GRID1: variants seen among roughly 807,000 people sequenced by gnomAD.
GRID1 encodes glutamate ionotropic receptor delta type subunit 1, also known as glutamate receptor ionotropic, delta-1.
Under a neutral mutation model 98.0 loss-of-function variants are expected in GRID1, and 28 were observed. The ratio of observed to expected loss-of-function variants is 0.29; its 90% CI spans 0.21 to 0.39. The LOEUF (loss-of-function observed/expected upper bound fraction) is 0.39, where lower values mean the gene tolerates loss of function less well. GRID1 is among the 10% of genes least tolerant of loss of function. The pLI is 1.00. For synonymous variants in GRID1, 553 were observed against 538.5 expected (o/e 1.03, Z -0.37); for missense variants, 1,111 against 1,340.5 (o/e 0.83, Z 2.67).
intron 4 of GRID1, among the ~76,000 whole-genome samples, chr10:85,923,009 C>T (rs1235057782): frequency 1.3e-5 from 2 of 152,114 alleles, no homozygotes; most frequent in Admixed American, 1.3e-4. Context: ...CCCTGAAGTT[C>T]TCTTCATCTC....
intron 5 of GRID1, among the ~76,000 whole-genome samples, chr10:85,882,779 AAT>A (rs1206206556): frequency 6.6e-6 from 1 of 151,372 alleles, no homozygotes; most frequent in African/African-American, 2.4e-5. Flanking sequence ...TAATAATAAT[AAT>A]ATTTTTTTAA....
At chr10:86,235,802 A>G (rs1346600266) in intron 2 of GRID1, among the ~76,000 whole-genome samples, 1 of 152,206 alleles carries the variant, frequency 6.6e-6, no homozygotes, top group Non-Finnish European at 1.5e-5. Context: ...GTTGATGGAC[A>G]TTTGTGTTGT....
At chr10:85,851,803 TG>T (rs1843060703) in intron 8 of GRID1, among the ~76,000 whole-genome samples, 1 of 152,170 alleles carries the variant, frequency 6.6e-6, no homozygotes, top group Non-Finnish European at 1.5e-5. Context: ...CCTTGGACTC[TG>T]ACCTTGGGCA....
chr10:85,944,386 T>A (rs925138002), intron 4 of GRID1, among the ~76,000 whole-genome samples: 2 of 152,090 alleles, frequency 1.3e-5, no homozygotes, highest in Non-Finnish European at 2.9e-5. Flanking sequence ...TTGACAAAAA[T>A]GAAGAAAAAT....
intron 14 of GRID1, 53 bp downstream of exon 14, chr10:85,619,814 C>T: frequency 1.4e-6 from 2 of 1,420,684 alleles, no homozygotes; most frequent in Non-Finnish European, 2.0e-6. Flanking sequence ...TTCTCCTACC[C>T]TTGACCACTA....
intron 3 of GRID1, among the ~76,000 whole-genome samples, chr10:86,141,246 C>A (rs1021063992): frequency 1.3e-5 from 2 of 152,188 alleles, no homozygotes; most frequent in African/African-American, 4.8e-5. Flanking sequence ...GCTGTCAACA[C>A]CCTTGGGGTT....
At chr10:86,099,114 TA>T (rs756488845) in intron 4 of GRID1, among the ~76,000 whole-genome samples, 3 of 152,226 alleles carry the variant, frequency 2.0e-5, no homozygotes, top group Non-Finnish European at 4.4e-5. Flanking sequence ...ACATAACCAC[TA>T]ACCACCAGTG....
In GRID1 at chr10:86,235,710, G is replaced by A. The variant is rs188092957; in HGVS notation, c.236-29062C>T. Among the ~76,000 whole-genome samples, 23 of 152,290 alleles carry A rather than the reference G, an allele frequency of 1.5e-4. No homozygotes were observed. In the East Asian group the frequency reaches 1.9e-3, roughly 13 times the overall value. On this transcript the variant is annotated intron_variant, in intron 2 of 15. Coordinates refer to ENST00000327946, the MANE Select transcript of GRID1 (RefSeq NM_017551.3). ...GTTTTGAGGTTCATCCATGTTAAGC[G>A]TGTATCAGTGTTTCATTCTTTTGTA...
At chr10:85,969,273 T>C (rs1842377379) in intron 4 of GRID1, among the ~76,000 whole-genome samples, 1 of 152,150 alleles carries the variant, frequency 6.6e-6, no homozygotes, top group African/African-American at 2.4e-5. Context: ...TCACTTTCCA[T>C]AATTGGTAGA....
chr10:86,006,257 TG>T (rs550251918), intron 4 of GRID1, among the ~76,000 whole-genome samples: 44 of 152,274 alleles, frequency 2.9e-4, no homozygotes, highest in African/African-American at 9.6e-4. Flanking sequence ...ATTATCCACT[TG>T]GGAAAAAAGG....
At chr10:85,876,069 A>C (rs547574488) in intron 5 of GRID1, among the ~76,000 whole-genome samples, 1 of 152,248 alleles carries the variant, frequency 6.6e-6, no homozygotes, top group Non-Finnish European at 1.5e-5. Flanking sequence ...TCTCTTAGAC[A>C]TGGAAAGTAA....
At chr10:86,172,143 A>T (rs538595012) in intron 3 of GRID1, among the ~76,000 whole-genome samples, 8 of 152,192 alleles carry the variant, frequency 5.3e-5, no homozygotes, top group African/African-American at 1.9e-4. Context: ...TACCATCAGC[A>T]ATTACTCTCT....
intron 2 of GRID1, among the ~76,000 whole-genome samples, chr10:86,229,115 C>T (rs1846406718): frequency 1.3e-5 from 2 of 152,124 alleles, no homozygotes; most frequent in South Asian, 4.1e-4. Flanking sequence ...TTTGGGCCTT[C>T]TACTTTGTGA....
chr10:85,659,807 T>C (rs1206244354), intron 12 of GRID1, among the ~76,000 whole-genome samples: 1 of 152,176 alleles, frequency 6.6e-6, no homozygotes, highest in South Asian at 2.1e-4. Context: ...TTACATGGGC[T>C]AGCGCATTTC....
chr10:86,058,401 A>T (rs1843603931), intron 4 of GRID1, among the ~76,000 whole-genome samples: 1 of 152,136 alleles, frequency 6.6e-6, no homozygotes, highest in Non-Finnish European at 1.5e-5. Flanking sequence ...TTAGCCCACA[A>T]CTTCAGCTTC....
chr10:86,150,756 T>C (rs570812088), intron 3 of GRID1, among the ~76,000 whole-genome samples: 14 of 152,324 alleles, frequency 9.2e-5, no homozygotes, highest in African/African-American at 3.4e-4. Context: ...AGAGACCTCC[T>C]GGTTGGAATT....
At chr10:85,908,031 A>G (rs746422404) in intron 5 of GRID1, among the ~76,000 whole-genome samples, 6 of 152,182 alleles carry the variant, frequency 3.9e-5, no homozygotes, top group African/African-American at 7.2e-5. Flanking sequence ...AACTTTCCCA[A>G]TCTGATAAAG....
At chr10:85,760,171 C>T (rs2132697112) in intron 8 of GRID1, among the ~76,000 whole-genome samples, 1 of 152,302 alleles carries the variant, frequency 6.6e-6, no homozygotes, top group Admixed American at 6.5e-5. Flanking sequence ...AGTCAGACAG[C>T]CCTGCTGACT....
At chr10:85,910,444 T>C (rs1841521558) in intron 5 of GRID1, among the ~76,000 whole-genome samples, 1 of 152,318 alleles carries the variant, frequency 6.6e-6, no homozygotes, top group South Asian at 2.1e-4. Context: ...ATAGGGAAGA[T>C]TTGAAAGTCT....
Sources: gnomAD v4.1 joint callset for allele counts (sites outside exome capture counted in the v4.1 genomes callset) on GRCh38, gnomAD v4.1.1 for gene constraint, MANE v1.5 for transcripts, NCBI Gene and HGNC (gene_info 2026-07-23, HGNC 2026-07-21) for gene names.